CSTL1: variants seen among roughly 807,000 people sequenced by gnomAD.
CSTL1 encodes cystatin-like 1.
CSTL1 carries 14 observed loss-of-function variants against 14.4 expected under a neutral mutation model. The observed-to-expected ratio is 0.97, with a 90% CI of 0.64 to 1.52. CSTL1 has a LOEUF of 1.52. CSTL1 is among the 40% of genes most tolerant of loss of function. CSTL1 has a pLI of 0.00. For missense variants in CSTL1, 170 were observed against 168.7 expected, an observed-to-expected ratio of 1.01 and a Z score of -0.04; for synonymous variants, 72 against 67.5, an observed-to-expected ratio of 1.07 and a Z score of -0.33.
At chr20:23,450,482 C>T in the CSTL1 span, 1 of 1,527,178 alleles carries the variant, frequency 6.5e-7, no homozygotes, top group Non-Finnish European at 9.0e-7. Context: ...CATGCAGTGG[C>T]CGCAGTTGTA....
the CSTL1 span, among the ~76,000 whole-genome samples, chr20:23,455,269 C>G: frequency 6.6e-6 from 1 of 152,156 alleles, no homozygotes; most frequent in African/African-American, 2.4e-5. Context: ...TGTGCTTAAA[C>G]CACCATAGTT....
chr20:23,452,468 G>T, the CSTL1 span: 8 of 729,218 alleles, frequency 1.1e-5, no homozygotes, highest in Non-Finnish European at 2.0e-5. Context: ...CTCTTAAAGT[G>T]CTCACATCAA....
chr20:23,455,044 C>A, the CSTL1 span, among the ~76,000 whole-genome samples: 1 of 152,114 alleles, frequency 6.6e-6, no homozygotes, highest in Non-Finnish European at 1.5e-5. Context: ...GGAATGAGGA[C>A]ATGATGGCTG....
At chr20:23,452,099 A>G in the CSTL1 span, among the ~76,000 whole-genome samples, 1 of 152,228 alleles carries the variant, frequency 6.6e-6, no homozygotes, top group African/African-American at 2.4e-5. Context: ...AAGAGAATTA[A>G]CCAGAAACCA....
chr20:23,458,407 G>T, the CSTL1 span: 5 of 152,324 alleles, frequency 3.3e-5, no homozygotes, highest in South Asian at 1.0e-3. Flanking sequence ...CAGTGGCTTT[G>T]TAAGTTTTCA....
At chr20:23,452,877 G>C in the CSTL1 span, 2 of 1,270,046 alleles carry the variant, frequency 1.6e-6, no homozygotes, top group Non-Finnish European at 2.2e-6. Context: ...GAATCACACT[G>C]ACCCTACCTG....
chr20:23,452,680 C>A, the CSTL1 span: 3 of 1,614,004 alleles, frequency 1.9e-6, no homozygotes, highest in Non-Finnish European at 2.5e-6. Flanking sequence ...AGCTGTCCTT[C>A]GCATAGTTTT....
chr20:23,445,166 C>T (rs1261696831), downstream of CSTL1, among the ~76,000 whole-genome samples: 2 of 152,074 alleles, frequency 1.3e-5, no homozygotes, highest in Non-Finnish European at 1.5e-5. Flanking sequence ...CACACTCACT[C>T]GCACACACAT....
chr20:23,440,802 G>A (rs906626193), intron 2 of CSTL1: 16 of 378,774 alleles, frequency 4.2e-5, no homozygotes, highest in African/African-American at 2.7e-4. Context: ...TGTTGCCCAC[G>A]CTGGAGTGCA....
chr20:23,440,558 G>A (rs2123310026), intron 2 of CSTL1, 72 bp downstream of exon 2: 1 of 1,196,342 alleles, frequency 8.4e-7, no homozygotes, highest in Non-Finnish European at 1.3e-6. Flanking sequence ...GGATTCTGGG[G>A]TAGCTCCCAA....
At chr20:23,460,410 A>G in the CSTL1 span, among the ~76,000 whole-genome samples, 2 of 152,186 alleles carry the variant, frequency 1.3e-5, no homozygotes, top group East Asian at 3.9e-4. Context: ...GGATTGAACT[A>G]TGTATTTATT....
the CSTL1 span, chr20:23,450,301 A>G: frequency 2.7e-5 from 12 of 442,140 alleles, no homozygotes; most frequent in Admixed American, 1.1e-4. Context: ...AGGTCACCTC[A>G]TTTGGACCCC....
the CSTL1 span, among the ~76,000 whole-genome samples, chr20:23,458,352 G>A: frequency 6.6e-6 from 1 of 152,168 alleles, no homozygotes; most frequent in Non-Finnish European, 1.5e-5. Flanking sequence ...TGAACATGCT[G>A]AGGAATGTGC....
chr20:23,443,572 G>A (rs942494058), intron 2 of CSTL1, among the ~76,000 whole-genome samples: 2 of 152,180 alleles, frequency 1.3e-5, no homozygotes, highest in African/African-American at 4.8e-5. Flanking sequence ...GGACTGGGGG[G>A]GTGGGGACAA....
At position 23,444,909 on chromosome 20, in the gene CSTL1, G is replaced by A. The variant is rs764936453; in HGVS notation, c.*31G>A. ...CATATGATTGAGTTGTGCACTGGCT[G>A]TTATTAAACTGTAAAGGATCATGTC... On this transcript the variant is annotated 3_prime_UTR_variant, in exon 4 of 4. Transcript: ENST00000347397. 1.1e-5 allele frequency: 16 copies of A among 1,401,552 alleles called. No individual in the cohort carries two copies. The Admixed American group carries it at 1.3e-4, about 12-fold the overall frequency. The allele number at this position is 1,401,552 out of a possible 1,614,324, so 86.8% of individuals were successfully genotyped here. A position where few individuals can be genotyped will look rare whatever the true frequency, so the allele number is the denominator to read the frequency against.
chr20:23,453,247 A>G, the CSTL1 span, among the ~76,000 whole-genome samples: 1 of 151,872 alleles, frequency 6.6e-6, no homozygotes, highest in African/African-American at 2.4e-5. Context: ...GGCCGCCTGC[A>G]CCGGAAGCCA....
At chr20:23,461,149 A>G in the CSTL1 span, among the ~76,000 whole-genome samples, 1 of 152,248 alleles carries the variant, frequency 6.6e-6, no homozygotes, top group Non-Finnish European at 1.5e-5. Context: ...CAAAAGGATT[A>G]TGACTCACTG....
intron 3 of CSTL1, 97 bp from the exon 4 acceptor site, chr20:23,444,674 C>A: frequency 1.3e-6 from 1 of 753,578 alleles, no homozygotes; most frequent in Non-Finnish European, 2.3e-6. Flanking sequence ...CCATGGGGTT[C>A]ATGAGCAGCC....
the CSTL1 span, among the ~76,000 whole-genome samples, chr20:23,455,449 T>C: frequency 4.5e-4 from 68 of 152,374 alleles, no homozygotes; most frequent in African/African-American, 1.5e-3. Context: ...TAGACATATT[T>C]ACTACATGTC....
Sources: allele counts gnomAD v4.1 joint callset (sites outside exome capture counted in the v4.1 genomes callset), GRCh38; gene constraint gnomAD v4.1.1; transcripts MANE v1.5; gene names NCBI Gene and HGNC (gene_info 2026-07-23, HGNC 2026-07-21).